CACNA1B: variants seen among roughly 807,000 people sequenced by gnomAD.
CACNA1B encodes the protein voltage-dependent N-type calcium channel subunit alpha-1B.
Under a neutral mutation model 247.2 loss-of-function variants are expected in CACNA1B, and 70 were observed. The observed-to-expected ratio is 0.28, with a 90% CI of 0.23 to 0.35. The LOEUF (loss-of-function observed/expected upper bound fraction) is 0.35, where lower values mean the gene tolerates loss of function less well. Ranked by LOEUF, CACNA1B falls within the 10% of genes least tolerant of loss-of-function variation. The pLI is 1.00. For synonymous variants in CACNA1B, 1,231 were observed against 1,294.4 expected, an observed-to-expected ratio of 0.95 and a Z score of 1.05; for missense variants, 2,367 against 3,197.4, an observed-to-expected ratio of 0.74 and a Z score of 6.26.
intron 36 of CACNA1B, among the ~76,000 whole-genome samples, chr9:138,093,162 A>G (rs1486088071): frequency 6.6e-6 from 1 of 151,940 alleles, no homozygotes; most frequent in Non-Finnish European, 1.5e-5. Flanking sequence ...GCTCACACCT[A>G]TAATCTCAAC....
In CACNA1B at chr9:137,971,299, C is replaced by A; in HGVS notation, c.1334-84C>A. ...GCTGGGGCTGGGGGCAGGTGTCCTC[C>A]AGAGTGCGTCTGTGGGGGTCCACAG... On this transcript the variant is annotated intron_variant, in intron 10 of 46. Coordinates refer to ENST00000371372, the MANE Select transcript of CACNA1B (RefSeq NM_000718.4). This position sits in a 1 kb window ranked among gnomAD's most constrained non-coding sequence, Gnocchi z 4.4. The A allele has an allele frequency of 1.0e-6, 1 of 959,516 alleles. No homozygotes were observed. The highest frequency in any genetic ancestry group is 1.5e-5 in the South Asian group (1 of 66,348). 59.4% of individuals were successfully genotyped at this position (959,516 alleles called of 1,614,324 possible). A position where few individuals can be genotyped will look rare whatever the true frequency, so the allele number is the denominator to read the frequency against.
chr9:138,009,542 G>GA (rs1170861806), intron 16 of CACNA1B, among the ~76,000 whole-genome samples: 2 of 152,330 alleles, frequency 1.3e-5, no homozygotes, highest in East Asian at 3.9e-4. Context: ...ACAGGACCCA[G>GA]AAGGCAGTGG....
At position 138,051,838 on chromosome 9, in the gene CACNA1B, C is replaced by T. The variant is rs1959292446; in HGVS notation, c.3711-254C>T. ...AGGGGTGTCAGGGGTGATGGTTCTT[C>T]TCCTTGTGCACCAGATGCTGCTGCC... On this transcript the variant is annotated intron_variant, in intron 24 of 46. Transcript: ENST00000371372. This position sits in a 1 kb window ranked among gnomAD's most constrained non-coding sequence, Gnocchi z 4.3. Among the ~76,000 whole-genome samples, 1 of 152,140 alleles carries T rather than the reference C, an allele frequency of 6.6e-6. No homozygotes were observed. The highest frequency in any genetic ancestry group is 2.4e-5 in the African/African-American group (1 of 41,440).
rs1191461073 is a variant in CACNA1B, at chr9:138,081,939, C to T, written c.5094+3681C>T. Among the ~76,000 whole-genome samples, 4 of 151,028 alleles carry T rather than the reference C, an allele frequency of 2.6e-5. 1 individual carries two copies. The East Asian group carries it at 8.1e-4, about 31-fold the overall frequency. ...AAAGGGACACTCTTTGCTGGGAAAA[C>T]GGGACATCCACATACAAAAGAGTGG... is the stretch of plus-strand genomic sequence containing the variant. On this transcript the variant is annotated intron_variant, in intron 36 of 46. Coordinates refer to ENST00000371372, the MANE Select transcript of CACNA1B (RefSeq NM_000718.4).
At position 137,917,343 on chromosome 9, in the gene CACNA1B, G is replaced by A. The variant is rs1957423803; in HGVS notation, c.878G>A (p.Gly293Asp). The part of the protein sequence containing the change: ...CREYWPGPNF[G>D]ITNFDNILFA... The stretch of plus-strand genomic sequence containing the variant: ...GAGTACTGGCCAGGACCCAACTTTG[G>A]CATCACCAACTTTGACAATATCCTG... Residue 293 changes from glycine (G) to aspartate (D), a missense_variant, in exon 6 of 47, where the codon GGC (glycine) becomes GAC (aspartate). Coordinates refer to ENST00000371372, the MANE Select transcript of CACNA1B (RefSeq NM_000718.4). This position sits in a 1 kb window ranked among gnomAD's most constrained non-coding sequence, Gnocchi z 5.5. The A allele has an allele frequency of 6.2e-7, 1 of 1,613,878 alleles. No individual in the cohort carries two copies. The highest frequency in any genetic ancestry group is 8.5e-7 in the Non-Finnish European group (1 of 1,179,886).
chr9:138,123,566 G>A lies in CACNA1B; in HGVS notation c.*1567G>A, dbSNP rs1163797623. ...CTCAAAGAAATTGTGTGTGATGTGTGTGTGTGTGTGTGTGTGTGTGTGTCT... is the reference window on the plus strand; with the variant it reads ...CTCAAAGAAATTGTGTGTGATGTGTATGTGTGTGTGTGTGTGTGTGTGTCT... On this transcript the variant is annotated 3_prime_UTR_variant, in exon 47 of 47. Coordinates refer to ENST00000371372, the MANE Select transcript of CACNA1B (RefSeq NM_000718.4). 2 of 130,392 alleles carry A rather than the reference G, an allele frequency of 1.5e-5. No individual in the cohort carries two copies. Among genetic ancestry groups the A allele is most frequent in the Admixed American group, 7.1e-5 (1 of 14,064 alleles). 8.1% of individuals were successfully genotyped at this position (130,392 alleles called of 1,614,324 possible).
chr9:138,084,939 G>A (rs1244445484), intron 36 of CACNA1B, among the ~76,000 whole-genome samples: 12 of 146,912 alleles, frequency 8.2e-5, no homozygotes, highest in African/African-American at 2.8e-4. Flanking sequence ...GTGACAGAGC[G>A]AGACTCCATC....
At chr9:138,045,640 C>T (rs193184077) in intron 21 of CACNA1B, among the ~76,000 whole-genome samples, 435 of 152,268 alleles carry the variant, frequency 2.9e-3, no homozygotes, top group African/African-American at 9.4e-3. Flanking sequence ...CTGGGGATGT[C>T]TCATGGCCAG....
chr9:138,031,526 G>A (rs1958988125), intron 20 of CACNA1B, among the ~76,000 whole-genome samples: 1 of 152,140 alleles, frequency 6.6e-6, no homozygotes, highest in African/African-American at 2.4e-5. Flanking sequence ...GATCCTGTTG[G>A]TTGATGATGT....
rs1011517703 is a variant in CACNA1B at position 138,124,146 on chromosome 9, T to G, written c.*2147T>G. Reference sequence around the variant, plus strand: ...TTTGGGTTTTGTTTCTCACTGTGTCTTCTCCGGCTATCATATATGTCCCCT... The same window carrying G: ...TTTGGGTTTTGTTTCTCACTGTGTCGTCTCCGGCTATCATATATGTCCCCT... On this transcript the variant is annotated 3_prime_UTR_variant, in exon 47 of 47. Transcript: ENST00000371372. The G allele has an allele frequency of 6.6e-6, 1 of 152,220 alleles. No individual in the cohort carries two copies. The highest frequency in any genetic ancestry group is 1.5e-5 in the Non-Finnish European group (1 of 68,038). 9.4% of individuals were successfully genotyped at this position (152,220 alleles called of 1,614,324 possible). A position where few individuals can be genotyped will look rare whatever the true frequency, so the allele number is the denominator to read the frequency against.
In CACNA1B at chr9:137,882,724, C is replaced by G. The variant is rs775580566; in HGVS notation, c.391-20C>G. The G allele has an allele frequency of 1.4e-5, 22 of 1,613,806 alleles. No individual in the cohort carries two copies. The highest frequency in any genetic ancestry group is 1.9e-5 in the Non-Finnish European group (22 of 1,179,748). Reference sequence around the variant, plus strand: ...ACCGGGTAGGGGCCAGGGGTGACCACTGTTCTGCGCTTCTCCTAGGACGAC... The same window carrying G: ...ACCGGGTAGGGGCCAGGGGTGACCAGTGTTCTGCGCTTCTCCTAGGACGAC... On this transcript the variant is annotated intron_variant, in intron 2 of 46. Coordinates refer to ENST00000371372, the MANE Select transcript of CACNA1B (RefSeq NM_000718.4). This position sits in a 1 kb window ranked among gnomAD's most constrained non-coding sequence, Gnocchi z 4.0.
chr9:138,045,750 G>A (rs1323936882), intron 21 of CACNA1B, among the ~76,000 whole-genome samples: 1 of 152,208 alleles, frequency 6.6e-6, no homozygotes, highest in Non-Finnish European at 1.5e-5. Flanking sequence ...GGCAGGGGAA[G>A]TGGCAAGGGT....
intron 10 of CACNA1B, among the ~76,000 whole-genome samples, chr9:137,969,641 G>A (rs1029523706): frequency 1.3e-5 from 2 of 152,180 alleles, no homozygotes; most frequent in African/African-American, 4.8e-5. Flanking sequence ...GTGTCCACAG[G>A]TGTGTGCCTC....
rs117624670 is a variant in CACNA1B at position 138,015,333 on chromosome 9, T to G, written c.2267+2098T>G. On this transcript the variant is annotated intron_variant, in intron 18 of 46. Coordinates refer to ENST00000371372, the MANE Select transcript of CACNA1B (RefSeq NM_000718.4). ...CAAGAGACCCTGCAGGAATCAACCT[T>G]GAGGGGTTTCCCTCAAGGAGGGCCC... 1.5e-4 allele frequency among the ~76,000 whole-genome samples: 23 copies of G among 152,286 alleles called. 1 individual carries two copies. The East Asian group carries it at 4.5e-3, about 29-fold the overall frequency.
chr9:138,114,607 G>T, intron 41 of CACNA1B, 117 bp downstream of exon 41: 1 of 620,226 alleles, frequency 1.6e-6, no homozygotes, highest in Non-Finnish European at 2.9e-6. Context: ...TATCTCAGAA[G>T]GAAGATGAAA....
At chr9:138,091,690 C>T (rs1960884382) in intron 36 of CACNA1B, among the ~76,000 whole-genome samples, 1 of 151,380 alleles carries the variant, frequency 6.6e-6, no homozygotes, top group Non-Finnish European at 1.5e-5. Flanking sequence ...TATTACATGT[C>T]AATTAAAAAA....
At chr9:138,015,915 G>C (rs1443773316) in intron 18 of CACNA1B, among the ~76,000 whole-genome samples, 1 of 151,976 alleles carries the variant, frequency 6.6e-6, no homozygotes, top group Non-Finnish European at 1.5e-5. Context: ...GAGTCACACT[G>C]ACACTCACAC....
chr9:137,894,659 C>T (rs1254012275), intron 3 of CACNA1B, among the ~76,000 whole-genome samples: 5 of 152,142 alleles, frequency 3.3e-5, no homozygotes, highest in Admixed American at 1.3e-4. Flanking sequence ...CCGCCCACCT[C>T]GGCCTCCCAA....
chr9:137,910,853 C>A (rs1252775402), intron 3 of CACNA1B, among the ~76,000 whole-genome samples: 1 of 152,110 alleles, frequency 6.6e-6, no homozygotes, highest in African/African-American at 2.4e-5. Flanking sequence ...GGTTGGGGAC[C>A]CTTGCTCTGA....
Sources: gnomAD v4.1 joint callset for allele counts (sites outside exome capture counted in the v4.1 genomes callset) on GRCh38, gnomAD v4.1.1 for gene constraint, Gnocchi (gnomAD v3.1) non-coding constraint, MANE v1.5 for transcripts, NCBI Gene and HGNC (gene_info 2026-07-23, HGNC 2026-07-21) for gene names.